Variants in KHDRBS2 observed in about 807,000 individuals in gnomAD.
The protein encoded by KHDRBS2 is KH domain-containing, RNA-binding, signal transduction-associated protein 2.
KHDRBS2 carries 26 observed loss-of-function variants against 44.3 expected under a neutral mutation model. The ratio of observed to expected loss-of-function variants is 0.59; its 90% CI spans 0.43 to 0.81. KHDRBS2 has a LOEUF of 0.81. KHDRBS2 is among the 40% of genes least tolerant of loss of function. The probability of loss-of-function intolerance (pLI) is 0.00; values close to 1 mark genes in which losing one functional copy is unlikely to be tolerated. For missense variants in KHDRBS2, 476 were observed against 433.1 expected (o/e 1.10, Z -0.88); for synonymous variants, 194 against 151.1 (o/e 1.28, Z -2.08).
rs537857550 is a variant in KHDRBS2, at chr6:62,116,326, C to A, written c.219+60859G>T. Among the ~76,000 whole-genome samples the A allele has an allele frequency of 1.7e-4, 26 of 152,166 alleles. No homozygotes were observed. The South Asian group carries it at 2.5e-3, about 15-fold the overall frequency. ...TCTCCTGTCTAACTGCAACTTGGTC[C>A]TCTTTGACCAACATCTCATTTCCAA... On this transcript the variant is annotated intron_variant, in intron 2 of 8. Transcript: ENST00000281156.
chr6:62,103,036 T>C (rs1458578938), intron 2 of KHDRBS2, among the ~76,000 whole-genome samples: 1 of 152,136 alleles, frequency 6.6e-6, no homozygotes, highest in Non-Finnish European at 1.5e-5. Flanking sequence ...GGGGTTTTTA[T>C]GAGCTCAAAA....
chr6:62,160,596 AT>A (rs1311914465), intron 2 of KHDRBS2, among the ~76,000 whole-genome samples: 1 of 152,128 alleles, frequency 6.6e-6, no homozygotes, highest in Non-Finnish European at 1.5e-5. Flanking sequence ...TGTATGGCCT[AT>A]ATGTTTAAAG....
intron 7 of KHDRBS2, among the ~76,000 whole-genome samples, chr6:61,714,948 A>G: frequency 6.6e-6 from 1 of 151,770 alleles, no homozygotes; most frequent in African/African-American, 2.4e-5. Flanking sequence ...AATAGGTCCA[A>G]TGTACAATAT....
At chr6:61,964,583 T>C (rs1769489630) in intron 4 of KHDRBS2, among the ~76,000 whole-genome samples, 1 of 152,122 alleles carries the variant, frequency 6.6e-6, no homozygotes, top group South Asian at 2.1e-4. Flanking sequence ...TTTTTCTCCT[T>C]GAAATTAAAA....
At position 61,894,712 on chromosome 6, in the gene KHDRBS2, G is replaced by C; in HGVS notation, c.733C>G (p.Pro245Ala). The C allele has an allele frequency of 1.2e-6, 2 of 1,613,624 alleles. No homozygotes were observed. Among genetic ancestry groups the C allele is most frequent in the Non-Finnish European group, 1.7e-6 (2 of 1,179,818 alleles). ...VPPVARGVPT[P>A]RARGAPTVPG... ...ACTGTTGGTGCCCCCCGGGCTCGAG[G>C]GGTAGGGACACCTCTTGCTACAGGT... The change falls in exon 6 of 9, where the codon CCT (proline) becomes GCT (alanine). Residue 245 changes from proline (P) to alanine (A), a missense_variant. Coordinates refer to ENST00000281156, the MANE Select transcript of KHDRBS2 (RefSeq NM_152688.4).
chr6:61,697,692 T>G (rs1462203876), intron 7 of KHDRBS2, among the ~76,000 whole-genome samples: 3 of 152,260 alleles, frequency 2.0e-5, no homozygotes, highest in East Asian at 3.9e-4. Flanking sequence ...CCTTTATCCC[T>G]TTTACATCAT....
chr6:61,640,620 T>G, the KHDRBS2 span, among the ~76,000 whole-genome samples: 123,149 of 151,998 alleles, frequency 0.81, 50,299 homozygotes, highest in Non-Finnish European at 0.87. Flanking sequence ...GAAGGTTGGA[T>G]TCAACACAAT....
intron 6 of KHDRBS2, among the ~76,000 whole-genome samples, chr6:61,751,472 A>C (rs1166703773): frequency 6.6e-6 from 1 of 152,196 alleles, no homozygotes; most frequent in Non-Finnish European, 1.5e-5. Context: ...ACAATGTAAA[A>C]CATAAGAAGA....
intron 7 of KHDRBS2, among the ~76,000 whole-genome samples, chr6:61,705,254 C>T (rs1769334079): frequency 1.3e-5 from 2 of 151,710 alleles, no homozygotes; most frequent in Non-Finnish European, 2.9e-5. Flanking sequence ...ACTCCCTACC[C>T]CTCTACCAAC....
At chr6:61,930,546 G>GAAAAAAAAAAAAAAA (rs1439236595) in intron 4 of KHDRBS2, among the ~76,000 whole-genome samples, 11 of 47,598 alleles carry the variant, frequency 2.3e-4, no homozygotes, top group East Asian at 7.3e-4. Flanking sequence ...AAAAAAAAAA[G>GAAAAAAAAAAAAAAA]AAAAAAAAAA....
At chr6:61,843,623 CCA>C (rs747009797) in intron 6 of KHDRBS2, among the ~76,000 whole-genome samples, 5 of 152,026 alleles carry the variant, frequency 3.3e-5, no homozygotes, top group Non-Finnish European at 7.4e-5. Context: ...CCTCAGCCTC[CCA>C]AAGTGCTGGG....
At chr6:61,568,131 T>C in the KHDRBS2 span, among the ~76,000 whole-genome samples, 7 of 152,192 alleles carry the variant, frequency 4.6e-5, no homozygotes, top group African/African-American at 1.4e-4. Context: ...GTTGATTTTA[T>C]CAAATATCAG....
chr6:61,545,207 T>G, the KHDRBS2 span, among the ~76,000 whole-genome samples: 4 of 151,816 alleles, frequency 2.6e-5, no homozygotes, highest in Non-Finnish European at 5.9e-5. Flanking sequence ...GTACTTTGGG[T>G]GGCTGAGGTG....
chr6:61,593,118 C>A, the KHDRBS2 span, among the ~76,000 whole-genome samples: 1 of 152,150 alleles, frequency 6.6e-6, no homozygotes, highest in Non-Finnish European at 1.5e-5. Flanking sequence ...CAGGCAGTGG[C>A]AAACTGACAG....
intron 2 of KHDRBS2, among the ~76,000 whole-genome samples, chr6:62,072,295 A>C (rs1181383128): frequency 6.6e-6 from 1 of 152,164 alleles, no homozygotes; most frequent in Non-Finnish European, 1.5e-5. Flanking sequence ...AAACAGGGAC[A>C]ATTTGACTTC....
At chr6:61,853,240 T>C (rs1795708353) in intron 6 of KHDRBS2, among the ~76,000 whole-genome samples, 1 of 152,070 alleles carries the variant, frequency 6.6e-6, no homozygotes, top group South Asian at 2.1e-4. Context: ...TACAACTCTC[T>C]AGAGTCTATC....
At chr6:61,902,505 C>T (rs1419645810) in intron 4 of KHDRBS2, among the ~76,000 whole-genome samples, 1 of 128,208 alleles carries the variant, frequency 7.8e-6, no homozygotes, top group Admixed American at 8.7e-5. Flanking sequence ...TTTTACTAAT[C>T]AACACACACA....
intron 7 of KHDRBS2, among the ~76,000 whole-genome samples, chr6:61,716,344 GC>G (rs1432291754): frequency 1.3e-5 from 2 of 151,986 alleles, no homozygotes; most frequent in Non-Finnish European, 2.9e-5. Flanking sequence ...CTTTGCAGCT[GC>G]GGCCCCAGAC....
the KHDRBS2 span, among the ~76,000 whole-genome samples, chr6:61,626,624 T>C: frequency 6.6e-6 from 1 of 152,228 alleles, no homozygotes; most frequent in Admixed American, 6.5e-5. Context: ...GACATTTGGT[T>C]AAGAAAGGAG....
Sources: allele counts gnomAD v4.1 joint callset (sites outside exome capture counted in the v4.1 genomes callset), GRCh38; gene constraint gnomAD v4.1.1; transcripts MANE v1.5; gene names NCBI Gene and HGNC (gene_info 2026-07-23, HGNC 2026-07-21).